Variants in CNTNAP5 observed in about 807,000 individuals in gnomAD.
CNTNAP5 encodes the protein contactin-associated protein-like 5.
CNTNAP5 carries 72 observed loss-of-function variants against 150.2 expected under a neutral mutation model. The ratio of observed to expected loss-of-function variants is 0.48; its 90% CI spans 0.40 to 0.58. CNTNAP5 has a LOEUF of 0.58. Ranked by LOEUF, CNTNAP5 falls within the 20% of genes least tolerant of loss-of-function variation. The pLI, the probability that CNTNAP5 is intolerant of heterozygous loss-of-function variation, is 0.00. For missense variants in CNTNAP5, 1,636 were observed against 1,626.2 expected, an observed-to-expected ratio of 1.01 and a Z score of -0.10; for synonymous variants, 672 against 619.8, an observed-to-expected ratio of 1.08 and a Z score of -1.25.
chr2:124,907,650 T>A (rs1215261908), intron 22 of CNTNAP5, among the ~76,000 whole-genome samples: 1 of 150,560 alleles, frequency 6.6e-6, no homozygotes, highest in African/African-American at 2.4e-5. Context: ...TTAAGCTGAG[T>A]CATTCTTTTT....
rs1439230228 is a variant in CNTNAP5, at chr2:124,795,872, T to C, written c.2993-2224T>C. On this transcript the variant is annotated intron_variant, in intron 18 of 23. Transcript: ENST00000682447. ...TTACCATCTCAGAATCTAGTTAGCA[T>C]AGGTTCTTCCACCAAGTGGATGCTC... is the stretch of plus-strand genomic sequence containing the variant. 2.6e-5 allele frequency among the ~76,000 whole-genome samples: 4 copies of C among 151,986 alleles called. 1 individual carries two copies. The highest frequency in any genetic ancestry group is 4.2e-4 in the South Asian group (2 of 4,814).
chr2:124,261,084 T>TA (rs1687441547), intron 3 of CNTNAP5, among the ~76,000 whole-genome samples: 1 of 152,188 alleles, frequency 6.6e-6, no homozygotes, highest in African/African-American at 2.4e-5. Flanking sequence ...CAGAAATTTC[T>TA]TTATGGCAAT....
intron 3 of CNTNAP5, among the ~76,000 whole-genome samples, chr2:124,289,137 C>A (rs1014755742): frequency 9.9e-5 from 15 of 152,168 alleles, no homozygotes; most frequent in African/African-American, 3.4e-4. Context: ...TTGACATTTT[C>A]TCTGTTGTAT....
intron 1 of CNTNAP5, among the ~76,000 whole-genome samples, chr2:124,102,150 A>T (rs1683080422): frequency 6.6e-6 from 1 of 152,182 alleles, no homozygotes; most frequent in Non-Finnish European, 1.5e-5. Context: ...ATATTAAAGA[A>T]GTAAAATACA....
intron 14 of CNTNAP5, among the ~76,000 whole-genome samples, chr2:124,760,243 CTGTT>C (rs901654978): frequency 2.0e-5 from 3 of 152,012 alleles, no homozygotes; most frequent in South Asian, 2.1e-4. Context: ...CTATAATTTT[CTGTT>C]TGTCTGCCAT....
chr2:124,474,695 C>T (rs954031118), intron 6 of CNTNAP5, 44 bp from the exon 7 acceptor site: 1 of 1,479,912 alleles, frequency 6.8e-7, no homozygotes, highest in Non-Finnish European at 9.0e-7. Context: ...CCTAATCTTT[C>T]TGAGCTTAAA....
chr2:124,287,967 T>C (rs780013), intron 3 of CNTNAP5, among the ~76,000 whole-genome samples: 45,301 of 152,078 alleles, frequency 0.3, 7,283 homozygotes, highest in Admixed American at 0.38. Context: ...GCTTGCTCTG[T>C]TGCCCAGGCT....
At position 124,869,737 on chromosome 2, in the gene CNTNAP5, G is replaced by GTCAC. The variant is rs1328135736; in HGVS notation, c.3416_3419dup (p.Leu1141HisfsTer14). 6.2e-7 allele frequency: 1 copy of GTCAC among 1,611,324 alleles called. No homozygotes were observed. The highest frequency in any genetic ancestry group is 8.5e-7 in the Non-Finnish European group (1 of 1,178,092). ...CGGAAGTAGAGTTCAGGGTTATAAG[G>GTCAC]TCACTCACCTTGGGCAAAGTCACAG... On this transcript the variant is annotated frameshift_variant, in exon 21 of 24. Coordinates refer to ENST00000682447, the MANE Select transcript of CNTNAP5 (RefSeq NM_001367498.1). LOFTEE classifies it high-confidence loss of function.
rs921213983 is a variant in CNTNAP5, at chr2:124,672,163, C to T, written c.2077+24205C>T. ...TCTTTTTGGCTTGGAGGTGGCCACC[C>T]TCTTCTGGTGTCTTCACATGACCTA... On this transcript the variant is annotated intron_variant, in intron 13 of 23. Coordinates refer to ENST00000682447, the MANE Select transcript of CNTNAP5 (RefSeq NM_001367498.1). Among the ~76,000 whole-genome samples, 3 of 152,262 alleles carry T rather than the reference C, an allele frequency of 2.0e-5. No homozygotes were observed. The East Asian group carries it at 5.8e-4, about 29-fold the overall frequency.
At chr2:124,866,437 G>C (rs1677634380) in intron 20 of CNTNAP5, among the ~76,000 whole-genome samples, 1 of 152,154 alleles carries the variant, frequency 6.6e-6, no homozygotes, top group South Asian at 2.1e-4. Context: ...ATCATAATAG[G>C]CTGTGGGAAG....
intron 3 of CNTNAP5, among the ~76,000 whole-genome samples, chr2:124,393,260 G>A (rs916001989): frequency 7.2e-5 from 11 of 152,040 alleles, no homozygotes; most frequent in Non-Finnish European, 1.2e-4. Flanking sequence ...CCAACCCACC[G>A]TTTCCCATGA....
chr2:124,488,001 A>T (rs949414908), intron 7 of CNTNAP5, among the ~76,000 whole-genome samples: 1 of 152,196 alleles, frequency 6.6e-6, no homozygotes, highest in African/African-American at 2.4e-5. Flanking sequence ...CAAGAATCAC[A>T]GTCTTCTCAA....
At chr2:124,404,485 C>G (rs899852162) in intron 3 of CNTNAP5, among the ~76,000 whole-genome samples, 2 of 152,160 alleles carry the variant, frequency 1.3e-5, no homozygotes, top group Non-Finnish European at 2.9e-5. Flanking sequence ...ACAGTGTCTC[C>G]CCATACCATG....
At chr2:124,849,797 G>A (rs998767713) in intron 19 of CNTNAP5, among the ~76,000 whole-genome samples, 1 of 152,168 alleles carries the variant, frequency 6.6e-6, no homozygotes, top group African/African-American at 2.4e-5. Context: ...CCTCAGAATG[G>A]TCACAAATTG....
At chr2:124,907,708 C>G (rs968697737) in intron 22 of CNTNAP5, among the ~76,000 whole-genome samples, 3 of 150,512 alleles carry the variant, frequency 2.0e-5, no homozygotes, top group African/African-American at 7.3e-5. Context: ...TTGTTAAAGA[C>G]AATTTAGACA....
At position 124,800,463 on chromosome 2, in the gene CNTNAP5, TTTGA is replaced by T. The variant is rs543188390; in HGVS notation, c.3217+2150_3217+2153del. ...ACATTTACTTCTCATCACAACCCTG[TTTGA>T]TTGATTTATTGTAGAAACTGAGGCA... On this transcript the variant is annotated intron_variant, in intron 19 of 23. Transcript: ENST00000682447. Among the ~76,000 whole-genome samples the T allele has an allele frequency of 1.6e-4, 25 of 152,286 alleles. No individual in the cohort carries two copies. In the South Asian group the frequency reaches 4.8e-3, roughly 29 times the overall value.
intron 13 of CNTNAP5, among the ~76,000 whole-genome samples, chr2:124,722,728 C>T (rs971000227): frequency 6.6e-6 from 1 of 152,166 alleles, no homozygotes; most frequent in East Asian, 1.9e-4. Flanking sequence ...TTGGAGGCAG[C>T]CTTGACCCCT....
Position 124,164,747 on chromosome 2 carries a change from T to C in CNTNAP5, c.83-56958T>C, listed in dbSNP as rs936721232. On this transcript the variant is annotated intron_variant, in intron 1 of 23. Coordinates refer to ENST00000682447, the MANE Select transcript of CNTNAP5 (RefSeq NM_001367498.1). ...ATCACATAAGGAAATGTGGATTTCA[T>C]TCTAAGCATAATCATAAGACACTGG... is the stretch of plus-strand genomic sequence containing the variant. Among the ~76,000 whole-genome samples, 12 of 152,142 alleles carry C rather than the reference T, an allele frequency of 7.9e-5. No homozygotes were observed. In the East Asian group the frequency reaches 2.3e-3, roughly 29 times the overall value.
At chr2:124,336,978 T>C (rs533020416) in intron 3 of CNTNAP5, among the ~76,000 whole-genome samples, 1 of 152,298 alleles carries the variant, frequency 6.6e-6, no homozygotes, top group African/African-American at 2.4e-5. Context: ...TGAAGTAGTT[T>C]ACAGTCCCAC....
Sources: allele counts gnomAD v4.1 joint callset (sites outside exome capture counted in the v4.1 genomes callset), GRCh38; gene constraint gnomAD v4.1.1; transcripts MANE v1.5; gene names NCBI Gene and HGNC (gene_info 2026-07-23, HGNC 2026-07-21).